Variants in NEK7 observed in about 807,000 individuals in gnomAD.
NEK7 encodes the protein serine/threonine-protein kinase Nek7.
Under a neutral mutation model 44.6 loss-of-function variants are expected in NEK7, and 18 were observed. The observed-to-expected ratio is 0.40, with a 90% confidence interval of 0.28 to 0.60. The LOEUF is 0.60. Among genes scored for constraint, NEK7 ranks in the 20% least tolerant of loss-of-function variants. The pLI, the probability that NEK7 is intolerant of heterozygous loss-of-function variation, is 0.38. For missense variants in NEK7, 256 were observed against 366.5 expected (o/e 0.70, Z 2.46); for synonymous variants, 130 against 121.1 (o/e 1.07, Z -0.48).
intron 9 of NEK7, among the ~76,000 whole-genome samples, chr1:198,312,799 A>G (rs1365122156): frequency 2.0e-5 from 3 of 151,712 alleles, no homozygotes; most frequent in Non-Finnish European, 2.9e-5. Context: ...CTGTGGTCTG[A>G]GAGATAGTTT....
At chr1:198,233,747 T>C (rs1666468337) in intron 2 of NEK7, among the ~76,000 whole-genome samples, 1 of 144,034 alleles carries the variant, frequency 6.9e-6, no homozygotes, top group Non-Finnish European at 1.5e-5. Context: ...ATGGGATCCT[T>C]TTTTTTTTTT....
At chr1:198,231,542 A>G (rs879523743) in intron 1 of NEK7, among the ~76,000 whole-genome samples, 6 of 151,874 alleles carry the variant, frequency 4.0e-5, no homozygotes, top group Middle Eastern at 3.4e-3. Flanking sequence ...TAAAGCTTAC[A>G]TTAGAAAATA....
intron 2 of NEK7, among the ~76,000 whole-genome samples, chr1:198,249,526 A>G (rs1652836744): frequency 2.0e-5 from 3 of 152,096 alleles, no homozygotes; most frequent in African/African-American, 4.8e-5. Flanking sequence ...AAGTGTTCCT[A>G]TTTCTCCACA....
intron 1 of NEK7, among the ~76,000 whole-genome samples, chr1:198,175,201 GAATA>G (rs147805430): frequency 0.045 from 6,778 of 152,216 alleles, 545 homozygotes; most frequent in African/African-American, 0.16. Context: ...TTTGTTAAAT[GAATA>G]AATATGAGCA....
At chr1:198,248,623 T>A (rs1666900791) in intron 2 of NEK7, among the ~76,000 whole-genome samples, 1 of 152,210 alleles carries the variant, frequency 6.6e-6, no homozygotes, top group Non-Finnish European at 1.5e-5. Flanking sequence ...GTAAACTTCT[T>A]GACACTGGAC....
At chr1:198,303,352 A>C (rs539261331) in intron 9 of NEK7, among the ~76,000 whole-genome samples, 3 of 152,158 alleles carry the variant, frequency 2.0e-5, no homozygotes, top group Non-Finnish European at 4.4e-5. Context: ...ACTGGGTTTC[A>C]AACCGAATAT....
intron 1 of NEK7, among the ~76,000 whole-genome samples, chr1:198,167,418 C>CA (rs761549089): frequency 4.9e-4 from 74 of 152,230 alleles, no homozygotes; most frequent in Non-Finnish European, 7.9e-4. Context: ...TAAAGGCACC[C>CA]AAGGCATCTT....
chr1:198,255,994 C>T (rs1033755216), intron 3 of NEK7, among the ~76,000 whole-genome samples: 2 of 151,978 alleles, frequency 1.3e-5, no homozygotes, highest in African/African-American at 4.8e-5. Flanking sequence ...CAATGCTTTT[C>T]CTTTTTGAAG....
intron 1 of NEK7, chr1:198,206,928 C>T (rs1665615486): frequency 6.6e-6 from 1 of 152,068 alleles, no homozygotes; most frequent in Non-Finnish European, 1.5e-5. Flanking sequence ...GAAAATATGG[C>T]ATTTATATGC....
chr1:198,214,888 T>A (rs1038891314), intron 1 of NEK7, among the ~76,000 whole-genome samples: 6 of 152,040 alleles, frequency 3.9e-5, no homozygotes, highest in Admixed American at 2.0e-4. Context: ...TTAGGCTACC[T>A]AAAGTCAATG....
intron 2 of NEK7, among the ~76,000 whole-genome samples, chr1:198,250,788 A>T (rs548090366): frequency 2.7e-5 from 4 of 146,080 alleles, no homozygotes; most frequent in East Asian, 2.0e-4. Context: ...GGGCTGAGAC[A>T]ATGGGGTTTT....
chr1:198,278,931 C>G, intron 6 of NEK7, 23 bp from the exon 7 acceptor site: 1 of 1,278,758 alleles, frequency 7.8e-7, no homozygotes, highest in Non-Finnish European at 1.1e-6. Flanking sequence ...CATCTTTTAC[C>G]TGATCCCTTC....
chr1:198,231,187 C>T (rs1666377659), intron 1 of NEK7, among the ~76,000 whole-genome samples: 1 of 149,918 alleles, frequency 6.7e-6, no homozygotes, highest in Non-Finnish European at 1.5e-5. Context: ...CACTGTAGGG[C>T]AGTAGTACAC....
chr1:198,204,920 G>C (rs981939740), intron 1 of NEK7, among the ~76,000 whole-genome samples: 2 of 152,028 alleles, frequency 1.3e-5, no homozygotes, highest in Non-Finnish European at 2.9e-5. Context: ...AGGGATGTTT[G>C]TGCTCCCTCC....
At chr1:198,223,112 C>G (rs1378108029) in intron 1 of NEK7, among the ~76,000 whole-genome samples, 2 of 150,062 alleles carry the variant, frequency 1.3e-5, no homozygotes, top group African/African-American at 5.0e-5. Context: ...AGATTACTTA[C>G]AGAATTCTAC....
At chr1:198,281,336 C>T (rs1436770279) in intron 7 of NEK7, among the ~76,000 whole-genome samples, 1 of 151,912 alleles carries the variant, frequency 6.6e-6, no homozygotes, top group Admixed American at 6.6e-5. Context: ...ACGTGGTGAC[C>T]TATGCAAATT....
chr1:198,176,050 A>G (rs750521087), intron 1 of NEK7, among the ~76,000 whole-genome samples: 4 of 152,188 alleles, frequency 2.6e-5, no homozygotes, highest in Non-Finnish European at 5.9e-5. Flanking sequence ...CTTTAATCGA[A>G]AGCAGGTGCT....
At chr1:198,160,313 A>ATTT (rs761820121) in intron 1 of NEK7, among the ~76,000 whole-genome samples, 4 of 143,908 alleles carry the variant, frequency 2.8e-5, no homozygotes, top group Non-Finnish European at 6.1e-5. Flanking sequence ...GTTTCCCTTG[A>ATTT]TTTTTTTTTT....
chr1:198,313,524 C>A (rs1486438905), intron 9 of NEK7, among the ~76,000 whole-genome samples: 1 of 133,698 alleles, frequency 7.5e-6, no homozygotes, highest in Non-Finnish European at 1.5e-5. Flanking sequence ...GATGCAGTTT[C>A]TTCCTAGTCT....
Sources: allele counts gnomAD v4.1 joint callset (sites outside exome capture counted in the v4.1 genomes callset), GRCh38; gene constraint gnomAD v4.1.1; transcripts MANE v1.5; gene names NCBI Gene and HGNC (gene_info 2026-07-23, HGNC 2026-07-21).